The following ARHGAP24 variants were observed in gnomAD, a reference collection of about 807,000 sequenced individuals.
ARHGAP24 encodes the protein rho GTPase-activating protein 24.
Under a neutral mutation model 76.4 loss-of-function variants are expected in ARHGAP24, and 50 were observed. That is an observed-to-expected ratio of 0.65 (90% CI 0.52 to 0.83). ARHGAP24 has a LOEUF of 0.83. Ranked by LOEUF, ARHGAP24 falls within the 40% of genes least tolerant of loss-of-function variation. The probability of loss-of-function intolerance (pLI) is 0.00; values close to 1 mark genes in which losing one functional copy is unlikely to be tolerated. For missense variants in ARHGAP24, 930 were observed against 914.2 expected, an observed-to-expected ratio of 1.02 and a Z score of -0.22; for synonymous variants, 345 against 323.3, an observed-to-expected ratio of 1.07 and a Z score of -0.72.
intron 2 of ARHGAP24, among the ~76,000 whole-genome samples, chr4:85,663,819 A>G (rs113159353): frequency 1.3e-5 from 2 of 151,568 alleles, no homozygotes; most frequent in Non-Finnish European, 2.9e-5. Context: ...GCTGGATTAC[A>G]TTTATTGATT....
chr4:85,676,190 A>G (rs946021212), intron 2 of ARHGAP24, among the ~76,000 whole-genome samples: 1 of 152,230 alleles, frequency 6.6e-6, no homozygotes, highest in Non-Finnish European at 1.5e-5. Context: ...TTCGGCACAA[A>G]TATTTTAAAA....
intron 2 of ARHGAP24, among the ~76,000 whole-genome samples, chr4:85,614,775 T>C (rs1032410636): frequency 6.6e-6 from 1 of 152,046 alleles, no homozygotes; most frequent in Non-Finnish European, 1.5e-5. Context: ...AAATATCACA[T>C]TAATTCCTTT....
chr4:85,832,557 G>A (rs1730049692), intron 3 of ARHGAP24, among the ~76,000 whole-genome samples: 1 of 152,196 alleles, frequency 6.6e-6, no homozygotes, highest in Non-Finnish European at 1.5e-5. Context: ...ATTTTGCCAT[G>A]TGCGGTGTTC....
intron 4 of ARHGAP24, among the ~76,000 whole-genome samples, chr4:85,927,054 G>A (rs568671142): frequency 3.3e-5 from 5 of 151,620 alleles, no homozygotes; most frequent in African/African-American, 1.2e-4. Flanking sequence ...TGATACCATC[G>A]AGCAATTAGA....
chr4:85,955,945 C>G (rs1159432616), intron 5 of ARHGAP24, among the ~76,000 whole-genome samples: 1 of 152,218 alleles, frequency 6.6e-6, no homozygotes, highest in Non-Finnish European at 1.5e-5. Context: ...TCCCTCTTTA[C>G]ACTTTATTCC....
intron 3 of ARHGAP24, among the ~76,000 whole-genome samples, chr4:85,869,081 T>G (rs1030973268): frequency 1.3e-5 from 2 of 152,150 alleles, no homozygotes; most frequent in African/African-American, 4.8e-5. Context: ...TCCTTACCAA[T>G]GCAATTGGCC....
At chr4:85,907,074 T>C (rs1352013526) in intron 3 of ARHGAP24, among the ~76,000 whole-genome samples, 1 of 152,198 alleles carries the variant, frequency 6.6e-6, no homozygotes, top group African/African-American at 2.4e-5. Context: ...TTACACGAAC[T>C]CTTGCTTGCT....
At position 85,920,025 on chromosome 4, in the gene ARHGAP24, G is replaced by A. The variant is rs575854503; in HGVS notation, c.269-3623G>A. ...TAACGTATGGTATGTTTACATGTGC[G>A]GTATGTAATTTTAATGTGCTTTGGT... On this transcript the variant is annotated intron_variant, in intron 3 of 9. Transcript: ENST00000395184. Among the ~76,000 whole-genome samples, 6 of 152,158 alleles carry A rather than the reference G, an allele frequency of 3.9e-5. No homozygotes were observed. In the East Asian group the frequency reaches 7.7e-4, roughly 20 times the overall value.
intron 3 of ARHGAP24, among the ~76,000 whole-genome samples, chr4:85,805,042 G>A (rs1728731163): frequency 6.6e-6 from 1 of 152,146 alleles, no homozygotes; most frequent in African/African-American, 2.4e-5. Context: ...AAGAACAAAG[G>A]TATGAGATAA....
At chr4:85,889,540 C>T (rs944804079) in intron 3 of ARHGAP24, among the ~76,000 whole-genome samples, 23 of 152,268 alleles carry the variant, frequency 1.5e-4, no homozygotes, top group Admixed American at 4.6e-4. Context: ...GGCTTAGTTT[C>T]GTATATTAGT....
At chr4:85,661,009 T>A (rs775924736) in intron 2 of ARHGAP24, among the ~76,000 whole-genome samples, 5 of 152,192 alleles carry the variant, frequency 3.3e-5, no homozygotes, top group Non-Finnish European at 7.3e-5. Flanking sequence ...CTTTTCTTAT[T>A]TCTTACTAAG....
rs140405889 is a variant in ARHGAP24, at chr4:85,803,470, C to T, written c.268+81498C>T. Among the ~76,000 whole-genome samples the T allele has an allele frequency of 2.7e-3, 418 of 152,304 alleles. 1 individual carries two copies. The highest frequency in any genetic ancestry group is 4.6e-3 in the Non-Finnish European group (311 of 68,018). On this transcript the variant is annotated intron_variant, in intron 3 of 9. Coordinates refer to ENST00000395184, the MANE Select transcript of ARHGAP24 (RefSeq NM_001025616.3). ...GAAGGGACAGCGTAACACTTTCATG[C>T]CTACAGCTTGAGAACAATTTTTATA...
chr4:85,864,326 GTA>G (rs1266271134), intron 3 of ARHGAP24, among the ~76,000 whole-genome samples: 1 of 151,986 alleles, frequency 6.6e-6, no homozygotes, highest in East Asian at 1.9e-4. Context: ...GGGCTTGGGG[GTA>G]CATTTGTTAG....
At chr4:85,557,383 G>A (rs1231917850) in intron 1 of ARHGAP24, among the ~76,000 whole-genome samples, 1 of 152,222 alleles carries the variant, frequency 6.6e-6, no homozygotes, top group Non-Finnish European at 1.5e-5. Context: ...CTTGAGCAGG[G>A]CTCTGCCCAG....
intron 1 of ARHGAP24, among the ~76,000 whole-genome samples, chr4:85,510,859 A>C (rs984345635): frequency 8.0e-6 from 1 of 125,226 alleles, no homozygotes; most frequent in African/African-American, 3.1e-5. Flanking sequence ...CTGAGTCTCT[A>C]TTCTCATCGC....
intron 8 of ARHGAP24, among the ~76,000 whole-genome samples, chr4:85,988,073 T>C (rs768908988): frequency 6.6e-6 from 1 of 151,908 alleles, no homozygotes; most frequent in African/African-American, 2.4e-5. Flanking sequence ...CCAGTGAATA[T>C]ATTTAAACAT....
At chr4:85,866,174 G>A (rs1006601523) in intron 3 of ARHGAP24, among the ~76,000 whole-genome samples, 1 of 152,104 alleles carries the variant, frequency 6.6e-6, no homozygotes, top group Non-Finnish European at 1.5e-5. Flanking sequence ...TAGTGTTGTA[G>A]TAGAGACAGA....
intron 1 of ARHGAP24, among the ~76,000 whole-genome samples, chr4:85,552,262 C>T (rs1726171182): frequency 6.6e-6 from 1 of 152,076 alleles, no homozygotes; most frequent in Non-Finnish European, 1.5e-5. Context: ...ATGATTTTTG[C>T]CTTAATTTCA....
At chr4:85,506,015 C>A (rs1250479435) in intron 1 of ARHGAP24, among the ~76,000 whole-genome samples, 1 of 152,096 alleles carries the variant, frequency 6.6e-6, no homozygotes, top group East Asian at 1.9e-4. Flanking sequence ...TGCTGGAGGT[C>A]CACTCCAGAC....
Sources: allele counts gnomAD v4.1 joint callset (sites outside exome capture counted in the v4.1 genomes callset), GRCh38; gene constraint gnomAD v4.1.1; transcripts MANE v1.5; gene names NCBI Gene and HGNC (gene_info 2026-07-23, HGNC 2026-07-21).